The following IQSEC1 variants were observed in gnomAD, a reference collection of about 807,000 sequenced individuals.
IQSEC1 encodes the protein IQ motif and SEC7 domain-containing protein 1.
In IQSEC1, 31 loss-of-function variants were observed where a neutral mutation model predicts 91.0. The ratio of observed to expected loss-of-function variants is 0.34; its 90% CI spans 0.26 to 0.46. IQSEC1 has a LOEUF of 0.46. Ranked by LOEUF, IQSEC1 falls within the 20% of genes least tolerant of loss-of-function variation. The probability of loss-of-function intolerance (pLI) is 1.00; values close to 1 mark genes in which losing one functional copy is unlikely to be tolerated. For synonymous variants in IQSEC1, 699 were observed against 662.6 expected, an observed-to-expected ratio of 1.05 and a Z score of -0.84; for missense variants, 1,388 against 1,575.6, an observed-to-expected ratio of 0.88 and a Z score of 2.02.
rs1576164844 is a variant in IQSEC1 at position 13,013,325 on chromosome 3, C to T, written c.23+59667G>A. ...ACAGTCCAGATACCCACTCTGCCGG[C>T]GGAGTCCCCTCACCTCTTTCCCAGA... On this transcript the variant is annotated intron_variant, in intron 1 of 13. Transcript: ENST00000613206. 2.6e-5 allele frequency among the ~76,000 whole-genome samples: 4 copies of T among 152,190 alleles called. No individual in the cohort carries two copies. The South Asian group carries it at 6.2e-4, about 24-fold the overall frequency.
At chr3:13,260,461 A>G (rs887466989) in intron 1 of IQSEC1, among the ~76,000 whole-genome samples, 1 of 152,208 alleles carries the variant, frequency 6.6e-6, no homozygotes, top group African/African-American at 2.4e-5. Context: ...ATTTCTGTCC[A>G]GTAGGGGCAT....
At chr3:12,996,547 G>C (rs1702233587) in intron 1 of IQSEC1, among the ~76,000 whole-genome samples, 1 of 151,834 alleles carries the variant, frequency 6.6e-6, no homozygotes, top group African/African-American at 2.4e-5. Context: ...ACACTTAACT[G>C]CATAAAAATT....
intron 2 of IQSEC1, among the ~76,000 whole-genome samples, chr3:13,164,055 C>T (rs547006769): frequency 6.6e-6 from 1 of 152,296 alleles, no homozygotes; most frequent in South Asian, 2.1e-4. Flanking sequence ...ATCAACGCCG[C>T]TCACCGCCAG....
intron 3 of IQSEC1, among the ~76,000 whole-genome samples, chr3:12,925,604 A>G (rs917806893): frequency 2.0e-5 from 3 of 152,254 alleles, no homozygotes; most frequent in African/African-American, 4.8e-5. Flanking sequence ...TCACAGCACC[A>G]GTGGCAGGGC....
rs563505568 is a variant in IQSEC1 at position 13,116,131 on chromosome 3, G to A, written c.302+47973C>T. On this transcript the variant is annotated intron_variant, in intron 2 of 15. Coordinates refer to the IQSEC1 transcript ENST00000648114. Reference sequence around the variant, plus strand: ...CCTGGAGGGTGAGCCAGGCAGAGGCGCGTGGAAGTCCTCCCAGCTCCCTGA... The same window carrying A: ...CCTGGAGGGTGAGCCAGGCAGAGGCACGTGGAAGTCCTCCCAGCTCCCTGA... Among the ~76,000 whole-genome samples, 10 of 152,314 alleles carry A rather than the reference G, an allele frequency of 6.6e-5. No homozygotes were observed. The East Asian group carries it at 7.7e-4, about 12-fold the overall frequency.
At chr3:13,275,892 T>C (rs1019219447) in intron 1 of IQSEC1, among the ~76,000 whole-genome samples, 4 of 152,208 alleles carry the variant, frequency 2.6e-5, no homozygotes, top group African/African-American at 9.6e-5. Flanking sequence ...TCTACCGATG[T>C]GAGCTCCCCA....
intron 1 of IQSEC1, among the ~76,000 whole-genome samples, chr3:13,010,572 G>A (rs760762632): frequency 1.6e-4 from 25 of 152,208 alleles, no homozygotes; most frequent in Non-Finnish European, 2.1e-4. Flanking sequence ...AGAGGCCGGC[G>A]TCTGGGGTCA....
At position 13,207,051 on chromosome 3, in the gene IQSEC1, A is replaced by T. The variant is rs1025896753; in HGVS notation, c.273-42918T>A. On this transcript the variant is annotated intron_variant, in intron 1 of 15. Transcript: ENST00000648114. The surrounding 1 kb of genome is among the most constrained non-coding windows in gnomAD (Gnocchi z 4.8). ...TCCCATCTCTAGCATATTAGCCAGGACAGCATCTGAGCTTCGTAGACCTGG... is the reference window on the plus strand; with the variant it reads ...TCCCATCTCTAGCATATTAGCCAGGTCAGCATCTGAGCTTCGTAGACCTGG... Among the ~76,000 whole-genome samples, 3 of 152,066 alleles carry T rather than the reference A, an allele frequency of 2.0e-5. No homozygotes were observed. The highest frequency in any genetic ancestry group is 7.2e-5 in the African/African-American group (3 of 41,398).
chr3:12,923,627 C>G (rs1696834772), intron 4 of IQSEC1, among the ~76,000 whole-genome samples: 1 of 150,536 alleles, frequency 6.6e-6, no homozygotes, highest in East Asian at 1.9e-4. Context: ...CCCTCCCACT[C>G]TGAGCCTTGG....
chr3:13,278,248 TC>T (rs35573398), intron 1 of IQSEC1, among the ~76,000 whole-genome samples: 32 of 150,450 alleles, frequency 2.1e-4, no homozygotes, highest in East Asian at 7.8e-4. Context: ...CCACTGGGCT[TC>T]CCCCCCCCAC....
At position 13,207,179 on chromosome 3, in the gene IQSEC1, C is replaced by G. The variant is rs1186982407; in HGVS notation, c.273-43046G>C. 2.6e-5 allele frequency among the ~76,000 whole-genome samples: 4 copies of G among 152,156 alleles called. No individual in the cohort carries two copies. The highest frequency in any genetic ancestry group is 5.9e-5 in the Non-Finnish European group (4 of 68,026). ...CCCACCTATCCTTGTCACCTGATGT[C>G]TAACAAGCGTCTCTGGCTGAACACA... is the stretch of plus-strand genomic sequence containing the variant. On this transcript the variant is annotated intron_variant, in intron 1 of 15. Transcript: ENST00000648114. The surrounding 1 kb of genome is among the most constrained non-coding windows in gnomAD (Gnocchi z 4.8).
chr3:13,085,491 T>C (rs547541957), intron 2 of IQSEC1, among the ~76,000 whole-genome samples: 1 of 152,198 alleles, frequency 6.6e-6, no homozygotes, highest in South Asian at 2.1e-4. Flanking sequence ...AGAAGGATAG[T>C]GTGTTTAAGG....
chr3:12,916,117 G>C (rs367569754), intron 6 of IQSEC1, among the ~76,000 whole-genome samples: 1 of 152,194 alleles, frequency 6.6e-6, no homozygotes, highest in South Asian at 2.1e-4. Flanking sequence ...AGGGAGGCTG[G>C]GGTTTGTTTG....
intron 1 of IQSEC1, among the ~76,000 whole-genome samples, chr3:13,181,326 G>C (rs963897187): frequency 6.6e-6 from 1 of 152,164 alleles, no homozygotes; most frequent in Non-Finnish European, 1.5e-5. Context: ...AACTAGGACT[G>C]AAAGAAGAAA....
intron 1 of IQSEC1, among the ~76,000 whole-genome samples, chr3:13,240,910 T>A (rs1276125632): frequency 6.6e-6 from 1 of 152,178 alleles, no homozygotes; most frequent in Non-Finnish European, 1.5e-5. Flanking sequence ...TGGACTACAG[T>A]CATTTGTTAA....
chr3:13,093,385 C>T (rs879675834), intron 2 of IQSEC1, among the ~76,000 whole-genome samples: 10 of 152,110 alleles, frequency 6.6e-5, no homozygotes, highest in Non-Finnish European at 1.2e-4. Context: ...GCCCCAGCAC[C>T]TTCAGTGATG....
intron 1 of IQSEC1, among the ~76,000 whole-genome samples, chr3:13,256,861 AGAGGGTG>A (rs1695295083): frequency 6.6e-6 from 1 of 150,794 alleles, no homozygotes; most frequent in African/African-American, 2.5e-5. Flanking sequence ...TACCCTGGGG[AGAGGGTG>A]CAGCACCAGC....
At chr3:13,270,250 T>A (rs984118066) in intron 1 of IQSEC1, among the ~76,000 whole-genome samples, 4 of 152,238 alleles carry the variant, frequency 2.6e-5, no homozygotes, top group African/African-American at 9.6e-5. Flanking sequence ...GTGGTTGTTT[T>A]AAAACTAAAT....
At chr3:12,971,027 A>G (rs1202828836) in intron 1 of IQSEC1, among the ~76,000 whole-genome samples, 1 of 152,238 alleles carries the variant, frequency 6.6e-6, no homozygotes, top group African/African-American at 2.4e-5. Flanking sequence ...GTTTATTGGA[A>G]CAGAGCCACG....
Sources: allele counts gnomAD v4.1 joint callset (sites outside exome capture counted in the v4.1 genomes callset), GRCh38; gene constraint gnomAD v4.1.1; non-coding constraint Gnocchi (gnomAD v3.1); transcripts MANE v1.5; gene names NCBI Gene and HGNC (gene_info 2026-07-23, HGNC 2026-07-21).